Variants in AFF3 observed in about 807,000 individuals in gnomAD.
The protein encoded by AFF3 is ALF transcription elongation factor 3, also known as AF4/FMR2 family member 3.
In AFF3, 32 loss-of-function variants were observed where a neutral mutation model predicts 129.7. The ratio of observed to expected loss-of-function variants is 0.25; its 90% CI spans 0.19 to 0.33. The LOEUF is 0.33. AFF3 is among the 10% of genes least tolerant of loss of function. The probability of loss-of-function intolerance (pLI) is 1.00; values close to 1 mark genes in which losing one functional copy is unlikely to be tolerated. For synonymous variants in AFF3, 644 were observed against 635.4 expected (o/e 1.01, Z -0.20); for missense variants, 1,373 against 1,592.0 (o/e 0.86, Z 2.34).
chr2:99,696,813 T>C (rs982635525), intron 11 of AFF3, among the ~76,000 whole-genome samples: 3 of 152,068 alleles, frequency 2.0e-5, no homozygotes, highest in African/African-American at 7.2e-5. Context: ...CCAGCTAATT[T>C]TAAAATTTTT....
intron 7 of AFF3, among the ~76,000 whole-genome samples, chr2:99,925,978 G>C (rs1696211711): frequency 6.6e-6 from 1 of 152,226 alleles, no homozygotes; most frequent in Admixed American, 6.5e-5. Flanking sequence ...CAACTGTGTA[G>C]TCTTTGCAGG....
chr2:100,074,049 C>G (rs1688401974), intron 4 of AFF3, among the ~76,000 whole-genome samples: 1 of 152,160 alleles, frequency 6.6e-6, no homozygotes, highest in Non-Finnish European at 1.5e-5. Flanking sequence ...GAACGACCAC[C>G]ACCCCTGGTC....
At chr2:99,636,707 G>A (rs1344226669) in intron 13 of AFF3, among the ~76,000 whole-genome samples, 5 of 152,198 alleles carry the variant, frequency 3.3e-5, no homozygotes, top group African/African-American at 4.8e-5. Flanking sequence ...AAGAGGACAC[G>A]ACGTGGCAGT....
At chr2:99,978,062 G>A (rs1679052090) in intron 7 of AFF3, among the ~76,000 whole-genome samples, 1 of 152,176 alleles carries the variant, frequency 6.6e-6, no homozygotes, top group Admixed American at 6.5e-5. Context: ...TAAATGCAGA[G>A]AACGTTCACC....
At chr2:99,888,365 G>A (rs946467433) in intron 7 of AFF3, among the ~76,000 whole-genome samples, 5 of 152,186 alleles carry the variant, frequency 3.3e-5, no homozygotes, top group African/African-American at 1.2e-4. Context: ...TACATATAAT[G>A]TTTGAACTTT....
chr2:99,802,478 T>C (rs1473612494), intron 8 of AFF3, among the ~76,000 whole-genome samples: 3 of 152,112 alleles, frequency 2.0e-5, no homozygotes, highest in East Asian at 3.9e-4. Flanking sequence ...CTGGGCAAGA[T>C]GGTGAGACCC....
chr2:99,626,460 C>T (rs1392943426), intron 13 of AFF3, among the ~76,000 whole-genome samples: 1 of 58,306 alleles, frequency 1.7e-5, no homozygotes, highest in Non-Finnish European at 4.5e-5. Flanking sequence ...CCCCTTCCTT[C>T]CTTCCTCCCT....
chr2:99,856,957 G>A (rs1690575946), intron 7 of AFF3, among the ~76,000 whole-genome samples: 1 of 152,032 alleles, frequency 6.6e-6, no homozygotes, highest in African/African-American at 2.4e-5. Flanking sequence ...CTCTGGCATT[G>A]AAATTACTGT....
intron 18 of AFF3, among the ~76,000 whole-genome samples, chr2:99,576,300 G>A (rs528301539): frequency 6.6e-6 from 1 of 151,346 alleles, no homozygotes; most frequent in African/African-American, 2.4e-5. Context: ...CAAAGTGCTG[G>A]GATTACAGGT....
chr2:99,847,724 C>T (rs1353124451), intron 7 of AFF3, among the ~76,000 whole-genome samples: 3 of 151,938 alleles, frequency 2.0e-5, no homozygotes, highest in African/African-American at 4.8e-5. Flanking sequence ...GGCTTCAGAA[C>T]GTCTCAGCAG....
In AFF3 at chr2:99,582,960, C is replaced by T. The variant is rs1677723111; in HGVS notation, c.2631G>A (p.Arg877=). ...IPINKNEKML[R]SPISPLSDAS... ...CATCAGAGAGGGGTGAGATGGGCGACCGAAGCATTTTTTCATTTTTATTTA... is the reference window on the plus strand; with the variant it reads ...CATCAGAGAGGGGTGAGATGGGCGATCGAAGCATTTTTTCATTTTTATTTA... The change falls in exon 17 of 25, where the codon CGG becomes CGA. Residue 877 remains arginine (R), a synonymous_variant. Coordinates refer to ENST00000672756, the MANE Select transcript of AFF3 (RefSeq NM_001386135.1). 1 of 1,613,938 alleles carries T rather than the reference C, an allele frequency of 6.2e-7. No individual in the cohort carries two copies. Among genetic ancestry groups the T allele is most frequent in the East Asian group, 2.2e-5 (1 of 44,870 alleles).
At chr2:99,863,491 T>C (rs961734403) in intron 7 of AFF3, among the ~76,000 whole-genome samples, 1 of 152,172 alleles carries the variant, frequency 6.6e-6, no homozygotes, top group South Asian at 2.1e-4. Context: ...ATATAAAGTA[T>C]CTTAAATAAC....
chr2:99,550,966 T>C lies in AFF3; in HGVS notation c.*508A>G, dbSNP rs1674362061. ...CAATCAAAAAATAATTGGGGAATAG[T>C]ATATTAATACTGAAAGTAATCAACA... On this transcript the variant is annotated 3_prime_UTR_variant, in exon 25 of 25. Transcript: ENST00000672756. 2 of 347,172 alleles carry C rather than the reference T, an allele frequency of 5.8e-6. No individual in the cohort carries two copies. Among genetic ancestry groups the C allele is most frequent in the African/African-American group, 4.2e-5 (2 of 47,716 alleles). 21.5% of individuals were successfully genotyped at this position (347,172 alleles called of 1,614,324 possible).
chr2:99,992,766 G>T (rs1199508766), intron 7 of AFF3, among the ~76,000 whole-genome samples: 1 of 152,200 alleles, frequency 6.6e-6, no homozygotes, highest in Non-Finnish European at 1.5e-5. Context: ...GGCTCAGAAA[G>T]TCGTAAGTGA....
intron 16 of AFF3, among the ~76,000 whole-genome samples, chr2:99,585,301 T>C (rs1369444038): frequency 6.6e-6 from 1 of 152,230 alleles, no homozygotes. Context: ...TTTATATATA[T>C]ATTCAAGTTG....
chr2:100,084,705 A>T (rs1689286872), intron 4 of AFF3, among the ~76,000 whole-genome samples: 1 of 152,198 alleles, frequency 6.6e-6, no homozygotes, highest in Admixed American at 6.5e-5. Context: ...TTAGAAAAAG[A>T]AAATGAACAC....
intron 2 of AFF3, among the ~76,000 whole-genome samples, chr2:100,127,633 G>T (rs917973212): frequency 6.6e-6 from 1 of 152,200 alleles, no homozygotes; most frequent in African/African-American, 2.4e-5. Flanking sequence ...GTAGCCCAAG[G>T]AAGTCCCTGC....
At chr2:99,688,395 T>C (rs1675280894) in intron 11 of AFF3, among the ~76,000 whole-genome samples, 1 of 152,196 alleles carries the variant, frequency 6.6e-6, no homozygotes, top group South Asian at 2.1e-4. Context: ...GTCCCAACAA[T>C]GCAATCAGAT....
chr2:99,657,553 G>C lies in AFF3; in HGVS notation c.1144-7887C>G, dbSNP rs1685860593. 2.6e-5 allele frequency among the ~76,000 whole-genome samples: 4 copies of C among 152,112 alleles called. 1 individual carries two copies. In the South Asian group the frequency reaches 8.3e-4, roughly 32 times the overall value. Reference sequence around the variant, plus strand: ...TACAAGATGTGAGCAGGTAACCTCGGGGATGACAAATACTACTGTTTGCCA... The same window carrying C: ...TACAAGATGTGAGCAGGTAACCTCGCGGATGACAAATACTACTGTTTGCCA... On this transcript the variant is annotated intron_variant, in intron 12 of 24. Transcript: ENST00000672756.
Sources: allele counts gnomAD v4.1 joint callset (sites outside exome capture counted in the v4.1 genomes callset), GRCh38; gene constraint gnomAD v4.1.1; transcripts MANE v1.5; gene names NCBI Gene and HGNC (gene_info 2026-07-23, HGNC 2026-07-21).